TF: variants seen among roughly 807,000 people sequenced by gnomAD.
TF encodes the protein serotransferrin.
A neutral mutation model predicts 82.4 loss-of-function variants in TF; 55 were observed. The observed-to-expected ratio is 0.67, with a 90% CI of 0.54 to 0.84. The LOEUF (loss-of-function observed/expected upper bound fraction) is 0.84. Among genes scored for constraint, TF ranks in the 40% least tolerant of loss-of-function variants. TF has a pLI of 0.00. For missense variants in TF, 737 were observed against 868.4 expected (o/e 0.85, Z 1.90); for synonymous variants, 332 against 332.6 (o/e 1.00, Z 0.02).
chr3:133,765,307 T>C (rs72549243), intron 11 of TF, among the ~76,000 whole-genome samples: 97 of 152,358 alleles, frequency 6.4e-4, no homozygotes, highest in African/African-American at 2.3e-3. Flanking sequence ...TTTGCTTATT[T>C]ATTCCTTACA....
the TF span, among the ~76,000 whole-genome samples, chr3:133,738,556 C>T: frequency 4.7e-5 from 7 of 148,530 alleles, no homozygotes; most frequent in Non-Finnish European, 8.9e-5. Flanking sequence ...TTGTATATTC[C>T]GAAAACCCCA....
In TF at chr3:133,786,222, TAAAA is replaced by T. The variant is rs1553742153; in HGVS notation, c.*7617_*7620del. ...AAGAATTATCAATAAAAAAATAAAT[TAAAA>T]AAAAAAAAAAAAAACAATACTATTT... On this transcript the variant is annotated 3_prime_UTR_variant, in exon 17 of 17. Coordinates refer to ENST00000402696, the MANE Select transcript of TF (RefSeq NM_001063.4). The T allele has an allele frequency of 4.7e-5, 4 of 84,352 alleles. 1 individual carries two copies. Among genetic ancestry groups the T allele is most frequent in the African/African-American group, 7.9e-5 (2 of 25,396 alleles). 5.2% of individuals were successfully genotyped at this position (84,352 alleles called of 1,614,324 possible). A position where few individuals can be genotyped will look rare whatever the true frequency, so the allele number is the denominator to read the frequency against.
chr3:133,750,629 G>A (rs1161361720), intron 2 of TF, among the ~76,000 whole-genome samples: 1 of 152,096 alleles, frequency 6.6e-6, no homozygotes, highest in Non-Finnish European at 1.5e-5. Context: ...GCTGGACGCT[G>A]TGTTTTAGGC....
Position 133,756,907 on chromosome 3 carries a change from A to G in TF, c.768A>G (p.Glu256=). 2 of 1,614,198 alleles carry G rather than the reference A, an allele frequency of 1.2e-6. No individual in the cohort carries two copies. The highest frequency in any genetic ancestry group is 1.7e-6 in the Non-Finnish European group (2 of 1,180,034). ...CLDNTRKPVD[E]YKDCHLAQVP... ...ACAACACCCGGAAGCCGGTAGATGA[A>G]TACAAGGACTGCCACTTGGCCCAGG... is the stretch of plus-strand genomic sequence containing the variant. Residue 256 remains glutamate (E), a synonymous_variant, in exon 7 of 17, where the codon GAA becomes GAG. Transcript: ENST00000402696.
the TF span, among the ~76,000 whole-genome samples, chr3:133,725,253 G>A: frequency 6.6e-6 from 1 of 152,098 alleles, no homozygotes; most frequent in African/African-American, 2.4e-5. Flanking sequence ...GGGCAGTATG[G>A]CCATTTTCAC....
the TF span, among the ~76,000 whole-genome samples, chr3:133,720,642 A>G: frequency 6.6e-6 from 1 of 152,216 alleles, no homozygotes; most frequent in East Asian, 1.9e-4. Context: ...CTCCTCTTCA[A>G]TTTTCTGAAA....
chr3:133,717,120 C>T, the TF span, among the ~76,000 whole-genome samples: 1 of 152,188 alleles, frequency 6.6e-6, no homozygotes, highest in African/African-American at 2.4e-5. Flanking sequence ...TACTCTCTAG[C>T]TTGCTATATA....
rs1354441790 is a variant in TF at position 133,788,490 on chromosome 3, C to T, written c.*9870C>T. 1 of 152,220 alleles carries T rather than the reference C, an allele frequency of 6.6e-6. No homozygotes were observed. The highest frequency in any genetic ancestry group is 1.5e-5 in the Non-Finnish European group (1 of 68,038). The allele number at this position is 152,220 out of a possible 1,614,324, so 9.4% of individuals were successfully genotyped here. Reference sequence around the variant, plus strand: ...CTTTTGTTGTTTCATTCTTTCCTTGCTTTGTGTGTTTTGTCCAATTCTTGG... The same window carrying T: ...CTTTTGTTGTTTCATTCTTTCCTTGTTTTGTGTGTTTTGTCCAATTCTTGG... On this transcript the variant is annotated 3_prime_UTR_variant, in exon 17 of 17. Transcript: ENST00000402696.
At chr3:133,732,995 C>G in the TF span, among the ~76,000 whole-genome samples, 1 of 152,174 alleles carries the variant, frequency 6.6e-6, no homozygotes, top group African/African-American at 2.4e-5. Context: ...CTTCTCTTGT[C>G]CTAATTCGTG....
the TF span, among the ~76,000 whole-genome samples, chr3:133,714,637 C>A: frequency 2.2e-4 from 34 of 152,264 alleles, no homozygotes; most frequent in African/African-American, 8.2e-4. Context: ...ACCTCTCATT[C>A]TCTCCATCTC....
At chr3:133,711,672 C>CGG in the TF span, among the ~76,000 whole-genome samples, 5 of 152,208 alleles carry the variant, frequency 3.3e-5, no homozygotes, top group African/African-American at 1.2e-4. Context: ...CTGAACTCCA[C>CGG]ATCCGCTCTG....
At chr3:133,691,683 G>A in the TF span, 1 of 152,920 alleles carries the variant, frequency 6.5e-6, no homozygotes, top group Non-Finnish European at 1.5e-5. Context: ...TTTCTCAGAA[G>A]TGATGGGCAT....
the TF span, among the ~76,000 whole-genome samples, chr3:133,674,184 C>T: frequency 6.6e-6 from 1 of 152,188 alleles, no homozygotes; most frequent in Non-Finnish European, 1.5e-5. Flanking sequence ...AATCCCTAAG[C>T]TTTTGTATTT....
the TF span, among the ~76,000 whole-genome samples, chr3:133,729,585 A>G: frequency 2.0e-5 from 3 of 152,336 alleles, no homozygotes; most frequent in South Asian, 4.2e-4. Flanking sequence ...ACCAGGAAAG[A>G]GAACTCCCTG....
chr3:133,668,385 G>A, the TF span, among the ~76,000 whole-genome samples: 4 of 152,128 alleles, frequency 2.6e-5, no homozygotes, highest in South Asian at 2.1e-4. Context: ...GGAGAGCAAC[G>A]AGCAAAGGAG....
At chr3:133,725,065 A>G in the TF span, among the ~76,000 whole-genome samples, 1 of 152,238 alleles carries the variant, frequency 6.6e-6, no homozygotes, top group South Asian at 2.1e-4. Context: ...GTAGCCTTGT[A>G]ATATAGTTTG....
rs1934627749 is a variant in TF, at chr3:133,785,083, GC to G, written c.*6467del. 8.0e-6 allele frequency: 1 copy of G among 125,142 alleles called. No homozygotes were observed. The highest frequency in any genetic ancestry group is 1.8e-5 in the Non-Finnish European group (1 of 56,416). The allele number at this position is 125,142 out of a possible 1,614,324, so 7.8% of individuals were successfully genotyped here. On this transcript the variant is annotated 3_prime_UTR_variant, in exon 17 of 17. Coordinates refer to ENST00000402696, the MANE Select transcript of TF (RefSeq NM_001063.4). ...GGCCGCCCCTACTGGGAAGTGAGGA[GC>G]CCCTCTGCCAGGCCAGCCGCCCCGT...
At chr3:133,714,761 A>C in the TF span, among the ~76,000 whole-genome samples, 1 of 151,808 alleles carries the variant, frequency 6.6e-6, no homozygotes. Flanking sequence ...CGGCTCAATG[A>C]AACCTCCGCC....
At chr3:133,728,070 C>G in the TF span, among the ~76,000 whole-genome samples, 1 of 152,200 alleles carries the variant, frequency 6.6e-6, no homozygotes, top group Admixed American at 6.5e-5. Flanking sequence ...CAACCTTTCT[C>G]CCTGGCTATC....
Sources: allele counts gnomAD v4.1 joint callset (sites outside exome capture counted in the v4.1 genomes callset), GRCh38; gene constraint gnomAD v4.1.1; transcripts MANE v1.5; gene names NCBI Gene and HGNC (gene_info 2026-07-23, HGNC 2026-07-21).